B4GALNT2: variants seen among roughly 807,000 people sequenced by gnomAD.
The protein encoded by B4GALNT2 is N-acetylneuraminylgalactosylglucosyl-glucoside beta-1,4-N- acetylgalactosaminyltransferase 2.
B4GALNT2 carries 42 observed loss-of-function variants against 51.1 expected under a neutral mutation model. That is an observed-to-expected ratio of 0.82 (90% CI 0.64 to 1.06). The LOEUF is 1.06. Among genes scored for constraint, B4GALNT2 ranks in the 50% least tolerant of loss-of-function variants. The probability of loss-of-function intolerance (pLI) is 0.00; values close to 1 mark genes in which losing one functional copy is unlikely to be tolerated. For synonymous variants in B4GALNT2, 253 were observed against 251.7 expected (o/e 1.01, Z -0.05); for missense variants, 602 against 633.6 (o/e 0.95, Z 0.54).
intron 8 of B4GALNT2, among the ~76,000 whole-genome samples, chr17:49,164,909 T>G (rs2042897601): frequency 6.6e-6 from 1 of 152,222 alleles, no homozygotes; most frequent in East Asian, 1.9e-4. Flanking sequence ...CCTTAAAGGC[T>G]CAAGTGATTC....
At position 49,152,866 on chromosome 17, in the gene B4GALNT2, C is replaced by T. The variant is rs560942498; in HGVS notation, c.420C>T (p.His140=). The T allele has an allele frequency of 2.6e-5, 42 of 1,611,350 alleles. No homozygotes were observed. Among genetic ancestry groups the T allele is most frequent in the African/African-American group, 1.9e-4 (14 of 74,870 alleles). Residue 140 remains histidine, a synonymous_variant, in exon 4 of 11, where the codon CAC becomes CAT. Coordinates refer to ENST00000393354, the MANE Select transcript of B4GALNT2 (RefSeq NM_001159387.2). Reference sequence around the variant, plus strand: ...ACCTCCCCTTTGGGTACCCAGTCCACGGAGTGGAGGTGATGCCCCTGCACA... The same window carrying T: ...ACCTCCCCTTTGGGTACCCAGTCCATGGAGTGGAGGTGATGCCCCTGCACA... ...QPNLPFGYPV[H]GVEVMPLHTV...
chr17:49,139,487 A>G (rs1470170659), intron 1 of B4GALNT2, among the ~76,000 whole-genome samples: 4 of 152,042 alleles, frequency 2.6e-5, no homozygotes, highest in Admixed American at 6.6e-5. Flanking sequence ...CGGCCCCCCA[A>G]AGTGCTGGGA....
chr17:49,146,671 C>T (rs1350233147), intron 3 of B4GALNT2, among the ~76,000 whole-genome samples: 1 of 152,150 alleles, frequency 6.6e-6, no homozygotes, highest in Non-Finnish European at 1.5e-5. Flanking sequence ...CAAATTCTAG[C>T]TAAGCCATGT....
rs1001428209 is a variant in B4GALNT2 at position 49,176,349 on chromosome 17, T to A, written c.*6621T>A. 1 of 152,252 alleles carries A rather than the reference T, an allele frequency of 6.6e-6. No individual in the cohort carries two copies. Among genetic ancestry groups the A allele is most frequent in the Non-Finnish European group, 1.5e-5 (1 of 68,048 alleles). The allele number at this position is 152,252 out of a possible 1,614,324, so 9.4% of individuals were successfully genotyped here. ...AGCCCCGAACAGAGTTTGACTCACA[T>A]GTTTATTGACAGCAAGCCAGTGATA... On this transcript the variant is annotated 3_prime_UTR_variant, in exon 11 of 11. Transcript: ENST00000393354.
chr17:49,158,408 G>A (rs940720451), intron 5 of B4GALNT2, among the ~76,000 whole-genome samples: 1 of 152,096 alleles, frequency 6.6e-6, no homozygotes, highest in African/African-American at 2.4e-5. Context: ...AGTAAGAAGG[G>A]AAAAGAGTCT....
intron 1 of B4GALNT2, among the ~76,000 whole-genome samples, chr17:49,136,050 T>C (rs1403661137): frequency 6.8e-6 from 1 of 147,846 alleles, no homozygotes; most frequent in East Asian, 2.0e-4. Flanking sequence ...GCCACTGCAC[T>C]CCAGCCTGGG....
chr17:49,148,353 G>A, intron 3 of B4GALNT2: 3 of 364,910 alleles, frequency 8.2e-6, no homozygotes, highest in Non-Finnish European at 1.6e-5. Flanking sequence ...TGAGGTGGCT[G>A]ACCACATCCA....
chr17:49,168,885 C>G lies in B4GALNT2; in HGVS notation c.1300C>G (p.Arg434Gly), dbSNP rs112740954. The G allele has an allele frequency of 6.2e-7, 1 of 1,612,376 alleles. No individual in the cohort carries two copies. The highest frequency in any genetic ancestry group is 8.5e-7 in the Non-Finnish European group (1 of 1,179,844). Residue 434 changes from arginine (R) to glycine (G), a missense_variant, in exon 10 of 11, where the codon CGA becomes GGA. Coordinates refer to ENST00000393354, the MANE Select transcript of B4GALNT2 (RefSeq NM_001159387.2). ...AGTTGGCTTTGATCCCCGCCTGCAA[C>G]GAGTGGCTCACTCAGGTGGGAAGGC... The part of the protein sequence containing the change: ...QRVGFDPRLQ[R>G]VAHSEFFIDG...
chr17:49,169,148 C>T (rs926152820), intron 10 of B4GALNT2, among the ~76,000 whole-genome samples: 2 of 152,060 alleles, frequency 1.3e-5, no homozygotes, highest in Non-Finnish European at 2.9e-5. Flanking sequence ...CCTTTCCCTA[C>T]AGCTCTGTCT....
chr17:49,143,220 A>T (rs9897836), intron 3 of B4GALNT2, among the ~76,000 whole-genome samples: 1 of 151,786 alleles, frequency 6.6e-6, no homozygotes, highest in Non-Finnish European at 1.5e-5. Flanking sequence ...CTGCCCTCCA[A>T]CCTGAGCAAC....
chr17:49,159,095 T>C lies in B4GALNT2; in HGVS notation c.557T>C (p.Val186Ala), dbSNP rs1268175922. 4 of 1,614,112 alleles carry C rather than the reference T, an allele frequency of 2.5e-6. No individual in the cohort carries two copies. The highest frequency in any genetic ancestry group is 3.4e-6 in the Non-Finnish European group (4 of 1,180,036). ...LNTLADVPDSVVQGRGQKQLI... is the reference protein window; with the variant it reads ...LNTLADVPDSAVQGRGQKQLI... ...ACCCTTGCTGATGTCCCAGACAGTG[T>C]GGTGCAGGGCAGAGGCCAGAAGCAG... Residue 186 changes from valine (V) to alanine (A), a missense_variant, in exon 6 of 11, where the codon GTG (valine) becomes GCG (alanine). Coordinates refer to ENST00000393354, the MANE Select transcript of B4GALNT2 (RefSeq NM_001159387.2).
upstream of B4GALNT2, among the ~76,000 whole-genome samples, chr17:49,128,727 G>A (rs10853108): frequency 0.51 from 76,994 of 151,748 alleles, 19,911 homozygotes; most frequent in Middle Eastern, 0.62. Context: ...ATTTGTACCC[G>A]GGCCAGGCCA....
At position 49,175,885 on chromosome 17, in the gene B4GALNT2, T is replaced by C. The variant is rs1365563774; in HGVS notation, c.*6157T>C. ...CTTTTTCTTCAAAATAATGAGGGGG[T>C]GAAGAAGAGTAGGGACAAACCTCTT... On this transcript the variant is annotated 3_prime_UTR_variant, in exon 11 of 11. Coordinates refer to ENST00000393354, the MANE Select transcript of B4GALNT2 (RefSeq NM_001159387.2). The C allele has an allele frequency of 1.3e-5, 2 of 152,024 alleles. No homozygotes were observed. The highest frequency in any genetic ancestry group is 2.9e-5 in the Non-Finnish European group (2 of 68,006). 9.4% of individuals were successfully genotyped at this position (152,024 alleles called of 1,614,324 possible).
rs1164863141 is a variant in B4GALNT2 at position 49,168,731 on chromosome 17, A to G, written c.1146A>G (p.Glu382=). 6.2e-7 allele frequency: 1 copy of G among 1,614,040 alleles called. No individual in the cohort carries two copies. Among genetic ancestry groups the G allele is most frequent in the African/African-American group, 1.3e-5 (1 of 74,924 alleles). Residue 382 remains glutamate, a synonymous_variant, in exon 10 of 11, where the codon GAA becomes GAG. Coordinates refer to ENST00000393354, the MANE Select transcript of B4GALNT2 (RefSeq NM_001159387.2). ...TGTTCCAGTTTAAGTTGTTGCTGGA[A>G]CAGAGTGAGAATGGGGCCTGCCTTC... ...GNVFQFKLLL[E]QSENGACLHK... is the part of the protein sequence containing the mutation.
chr17:49,149,116 G>T (rs1205950726), intron 3 of B4GALNT2: 2 of 152,334 alleles, frequency 1.3e-5, no homozygotes, highest in African/African-American at 4.8e-5. Flanking sequence ...CAACATCTCG[G>T]TGGCTGCAGG....
intron 7 of B4GALNT2, among the ~76,000 whole-genome samples, chr17:49,161,857 A>G (rs1349142516): frequency 6.6e-6 from 1 of 151,774 alleles, no homozygotes; most frequent in Non-Finnish European, 1.5e-5. Context: ...ACTCCGTCTC[A>G]AAAACAAAAA....
intron 3 of B4GALNT2, among the ~76,000 whole-genome samples, chr17:49,150,602 C>G (rs968700564): frequency 2.0e-5 from 3 of 151,544 alleles, no homozygotes; most frequent in Admixed American, 2.0e-4. Flanking sequence ...GCCTTGGGAT[C>G]CTGTTGATCT....
chr17:49,133,108 AGT>A (rs1306320425), intron 1 of B4GALNT2: 2 of 1,521,274 alleles, frequency 1.3e-6, no homozygotes, highest in Non-Finnish European at 1.7e-6. Context: ...GGGACGCCCG[AGT>A]GTGGGAATCG....
At chr17:49,133,271 C>T in intron 1 of B4GALNT2, 1 of 1,437,264 alleles carries the variant, frequency 7.0e-7, no homozygotes, top group Non-Finnish European at 9.0e-7. Context: ...GTCGGGGAGC[C>T]CGGCGGCTTG....
Sources: gnomAD v4.1 joint callset for allele counts (sites outside exome capture counted in the v4.1 genomes callset) on GRCh38, gnomAD v4.1.1 for gene constraint, MANE v1.5 for transcripts, NCBI Gene and HGNC (gene_info 2026-07-23, HGNC 2026-07-21) for gene names.